KCNJ6: variants seen among roughly 807,000 people sequenced by gnomAD.
KCNJ6 encodes G protein-activated inward rectifier potassium channel 2.
KCNJ6 carries 9 observed loss-of-function variants against 34.2 expected under a neutral mutation model. The ratio of observed to expected loss-of-function variants is 0.26; its 90% confidence interval spans 0.16 to 0.46. The LOEUF (loss-of-function observed/expected upper bound fraction) is 0.46, where lower values mean the gene tolerates loss of function less well. KCNJ6 is among the 20% of genes least tolerant of loss of function. The probability of loss-of-function intolerance (pLI) is 1.00; values close to 1 mark genes in which losing one functional copy is unlikely to be tolerated. For missense variants in KCNJ6, 236 were observed against 531.3 expected, an observed-to-expected ratio of 0.44 and a Z score of 5.46; for synonymous variants, 196 against 207.1, an observed-to-expected ratio of 0.95 and a Z score of 0.46.
chr21:37,661,614 G>GTTCT (rs766622814), intron 3 of KCNJ6, among the ~76,000 whole-genome samples: 1,243 of 71,162 alleles, frequency 0.017, 282 homozygotes, highest in African/African-American at 0.062. Context: ...AAGAGACATA[G>GTTCT]TTTTTTTTTT....
At chr21:37,721,626 G>A (rs563167107) in intron 2 of KCNJ6, among the ~76,000 whole-genome samples, 11 of 152,210 alleles carry the variant, frequency 7.2e-5, no homozygotes, top group Non-Finnish European at 1.3e-4. Flanking sequence ...TACAACATGG[G>A]TGAACCTTGA....
intron 1 of KCNJ6, among the ~76,000 whole-genome samples, chr21:37,842,431 G>A (rs2055485714): frequency 6.6e-6 from 1 of 152,202 alleles, no homozygotes; most frequent in Admixed American, 6.5e-5. Flanking sequence ...GGAAGGGTAT[G>A]CTTTGATTGA....
At chr21:37,794,646 A>T (rs1346874162) in intron 2 of KCNJ6, among the ~76,000 whole-genome samples, 1 of 152,174 alleles carries the variant, frequency 6.6e-6, no homozygotes, top group East Asian at 1.9e-4. Flanking sequence ...CAAACACCAC[A>T]TATTCTCATT....
At chr21:37,853,440 T>C (rs560463641) in intron 1 of KCNJ6, among the ~76,000 whole-genome samples, 2 of 152,206 alleles carry the variant, frequency 1.3e-5, no homozygotes, top group South Asian at 2.1e-4. Flanking sequence ...AAAATGTCTT[T>C]CATGAATTAA....
In KCNJ6 at chr21:37,705,981, T is replaced by C. The variant is rs547419341; in HGVS notation, c.946+8230A>G. 2.6e-5 allele frequency among the ~76,000 whole-genome samples: 4 copies of C among 152,322 alleles called. No homozygotes were observed. In the South Asian group the frequency reaches 8.3e-4, roughly 32 times the overall value. On this transcript the variant is annotated intron_variant, in intron 3 of 3. Coordinates refer to ENST00000609713, the MANE Select transcript of KCNJ6 (RefSeq NM_002240.5). ...TTCCTCAGTCATCCTGTATATCACATGGGACTTGGCTTGAGGTCTACTCTT... is the reference window on the plus strand; with the variant it reads ...TTCCTCAGTCATCCTGTATATCACACGGGACTTGGCTTGAGGTCTACTCTT...
intron 2 of KCNJ6, among the ~76,000 whole-genome samples, chr21:37,725,083 T>C (rs1257479922): frequency 2.0e-5 from 3 of 152,036 alleles, no homozygotes; most frequent in Non-Finnish European, 4.4e-5. Context: ...GACACATATA[T>C]ATTCCCAGTT....
At chr21:37,773,191 T>C (rs775368589) in intron 2 of KCNJ6, among the ~76,000 whole-genome samples, 1 of 152,130 alleles carries the variant, frequency 6.6e-6, no homozygotes, top group Non-Finnish European at 1.5e-5. Flanking sequence ...CCTAGATAGG[T>C]TGCCCACATG....
rs2054272933 is a variant in KCNJ6, at chr21:37,617,058, TTTTC to T, written c.*8097_*8100del. On this transcript the variant is annotated 3_prime_UTR_variant, in exon 4 of 4. Coordinates refer to ENST00000609713, the MANE Select transcript of KCNJ6 (RefSeq NM_002240.5). ...TTTCTTTCTTTCTTTCTTTCTTTTC[TTTTC>T]TTTTCTTTTCTTTTCTTTCTTTTTC... The T allele has an allele frequency of 9.2e-5, 5 of 54,416 alleles. No homozygotes were observed. The highest frequency in any genetic ancestry group is 3.3e-4 in the African/African-American group (5 of 15,356). 3.4% of individuals were successfully genotyped at this position (54,416 alleles called of 1,614,324 possible). A position where few individuals can be genotyped will look rare whatever the true frequency, so the allele number is the denominator to read the frequency against.
intron 2 of KCNJ6, among the ~76,000 whole-genome samples, chr21:37,796,396 G>A (rs2055242303): frequency 6.6e-6 from 1 of 152,216 alleles, no homozygotes; most frequent in African/African-American, 2.4e-5. Context: ...AAGCGGCAAA[G>A]TGGTTGGTAT....
At chr21:37,642,790 A>G (rs2054387046) in intron 3 of KCNJ6, among the ~76,000 whole-genome samples, 1 of 152,148 alleles carries the variant, frequency 6.6e-6, no homozygotes, top group Non-Finnish European at 1.5e-5. Context: ...GGCTGGGAGA[A>G]GGAAGTTTGG....
chr21:37,863,868 T>TTG (rs1568876777), intron 1 of KCNJ6, among the ~76,000 whole-genome samples: 2 of 143,884 alleles, frequency 1.4e-5, no homozygotes, highest in South Asian at 2.2e-4. Context: ...TTGTTTTTTT[T>TTG]TTTTTTTGGT....
At position 37,781,990 on chromosome 21, in the gene KCNJ6, G is replaced by A. The variant is rs143254548; in HGVS notation, c.25+58668C>T. ...TTTACATGGCAAAAGGGACGTTGCA[G>A]ATGTGATTCTGTCAATAACCTTGAG... On this transcript the variant is annotated intron_variant, in intron 2 of 3. Coordinates refer to ENST00000609713, the MANE Select transcript of KCNJ6 (RefSeq NM_002240.5). Among the ~76,000 whole-genome samples the A allele has an allele frequency of 4.7e-4, 72 of 152,364 alleles. No individual in the cohort carries two copies. In the East Asian group the frequency reaches 0.013, roughly 28 times the overall value.
intron 2 of KCNJ6, among the ~76,000 whole-genome samples, chr21:37,789,882 CTG>C (rs1339291665): frequency 3.3e-5 from 5 of 152,106 alleles, no homozygotes; most frequent in African/African-American, 7.2e-5. Flanking sequence ...ATGCATTAGT[CTG>C]TGGTTTGAGT....
intron 1 of KCNJ6, among the ~76,000 whole-genome samples, chr21:37,855,453 T>G (rs970404501): frequency 6.6e-6 from 1 of 152,230 alleles, no homozygotes; most frequent in African/African-American, 2.4e-5. Flanking sequence ...AACCTTTCTA[T>G]AGAATACTAG....
In KCNJ6 at chr21:37,764,173, G is replaced by A. The variant is rs2055079638; in HGVS notation, c.26-49042C>T. On this transcript the variant is annotated intron_variant, in intron 2 of 3. Transcript: ENST00000609713. ...CTTGGACTATGGTGAGTGAGATTGA[G>A]GGTCTGGTAATGCAAGAGGTACCTA... is the stretch of plus-strand genomic sequence containing the variant. Among the ~76,000 whole-genome samples, 3 of 152,128 alleles carry A rather than the reference G, an allele frequency of 2.0e-5. No individual in the cohort carries two copies. The South Asian group carries it at 6.2e-4, about 32-fold the overall frequency.
At chr21:37,643,920 C>T (rs1166522014) in intron 3 of KCNJ6, among the ~76,000 whole-genome samples, 2 of 152,206 alleles carry the variant, frequency 1.3e-5, no homozygotes, top group South Asian at 2.1e-4. Flanking sequence ...AAGACACATG[C>T]ATGTGTAGGT....
chr21:37,661,129 T>C (rs1176408097), intron 3 of KCNJ6, among the ~76,000 whole-genome samples: 1 of 152,222 alleles, frequency 6.6e-6, no homozygotes, highest in Non-Finnish European at 1.5e-5. Flanking sequence ...GATATCAGGC[T>C]AAAAGAGGCT....
intron 2 of KCNJ6, among the ~76,000 whole-genome samples, chr21:37,762,646 C>T (rs757808363): frequency 8.5e-5 from 13 of 152,296 alleles, no homozygotes; most frequent in Non-Finnish European, 1.6e-4. Flanking sequence ...TGAGGACATT[C>T]GAGTGGGCTC....
At chr21:37,774,692 T>G in intron 2 of KCNJ6, among the ~76,000 whole-genome samples, 1 of 152,226 alleles carries the variant, frequency 6.6e-6, no homozygotes. Context: ...TCATGTGTTA[T>G]GGCTGCATAG....
Sources: allele counts gnomAD v4.1 joint callset (sites outside exome capture counted in the v4.1 genomes callset), GRCh38; gene constraint gnomAD v4.1.1; transcripts MANE v1.5; gene names NCBI Gene and HGNC (gene_info 2026-07-23, HGNC 2026-07-21).